SH3RF3: variants seen among roughly 807,000 people sequenced by gnomAD.
SH3RF3 encodes the protein E3 ubiquitin-protein ligase SH3RF3.
In SH3RF3, 29 loss-of-function variants were observed where a neutral mutation model predicts 66.3. The observed-to-expected ratio is 0.44, with a 90% confidence interval of 0.33 to 0.60. SH3RF3 has a LOEUF of 0.60. Ranked by LOEUF, SH3RF3 falls within the 20% of genes least tolerant of loss-of-function variation. SH3RF3 has a pLI of 0.04. For missense variants in SH3RF3, 1,194 were observed against 1,190.9 expected (o/e 1.00, Z -0.04); for synonymous variants, 583 against 532.0 (o/e 1.10, Z -1.32).
At chr2:109,501,280 G>A (rs573182469) in intron 9 of SH3RF3, among the ~76,000 whole-genome samples, 39 of 152,238 alleles carry the variant, frequency 2.6e-4, no homozygotes, top group African/African-American at 8.2e-4. Context: ...GTAGATCAGC[G>A]TCTAAAAGGA....
intron 1 of SH3RF3, among the ~76,000 whole-genome samples, chr2:109,249,536 C>T (rs56267231): frequency 0.21 from 14,619 of 71,272 alleles, 1,339 homozygotes; most frequent in Non-Finnish European, 0.25. Context: ...TCTTTCTTTC[C>T]TTCCTTCCTT....
chr2:109,309,694 G>A (rs1229144695), intron 1 of SH3RF3, among the ~76,000 whole-genome samples: 2 of 125,246 alleles, frequency 1.6e-5, no homozygotes, highest in Non-Finnish European at 3.2e-5. Flanking sequence ...AAGGCAGGGA[G>A]TCTCTGATAA....
intron 3 of SH3RF3, among the ~76,000 whole-genome samples, chr2:109,376,246 G>C (rs1683381091): frequency 6.6e-6 from 1 of 152,264 alleles, no homozygotes; most frequent in Non-Finnish European, 1.5e-5. Context: ...TTTCCTGCCT[G>C]GGTGAGGTTT....
At chr2:109,381,553 A>G (rs952939102) in intron 3 of SH3RF3, among the ~76,000 whole-genome samples, 6 of 152,094 alleles carry the variant, frequency 3.9e-5, no homozygotes, top group Admixed American at 3.9e-4. Context: ...CTCAGCTTCC[A>G]GTCCCCCGGG....
At chr2:109,174,224 A>G (rs908174315) in intron 1 of SH3RF3, among the ~76,000 whole-genome samples, 3 of 152,228 alleles carry the variant, frequency 2.0e-5, no homozygotes, top group African/African-American at 4.8e-5. Flanking sequence ...TTCGAAGAGT[A>G]AGGTGGACAT....
chr2:109,339,634 G>A (rs951477367), intron 1 of SH3RF3, among the ~76,000 whole-genome samples: 55 of 152,190 alleles, frequency 3.6e-4, no homozygotes, highest in Non-Finnish European at 6.6e-4. Flanking sequence ...TTTGTTCCCT[G>A]GGAGGGATCA....
Position 109,377,304 on chromosome 2 carries a change from G to A in SH3RF3, c.945+5623G>A, listed in dbSNP as rs551220471. Among the ~76,000 whole-genome samples the A allele has an allele frequency of 7.9e-5, 12 of 152,330 alleles. No individual in the cohort carries two copies. In the South Asian group the frequency reaches 2.5e-3, roughly 32 times the overall value. The stretch of plus-strand genomic sequence containing the variant: ...GTGTGGGGAGATGCTGGAGCACGTG[G>A]TGAGCAATGGGTCACAGATGAGAGG... On this transcript the variant is annotated intron_variant, in intron 3 of 9. Transcript: ENST00000309415.
At chr2:109,453,486 G>A (rs116310007) in intron 8 of SH3RF3, among the ~76,000 whole-genome samples, 120 of 152,324 alleles carry the variant, frequency 7.9e-4, no homozygotes, top group African/African-American at 2.8e-3. Context: ...CAGGTGATAC[G>A]AACCCTCAGG....
At chr2:109,332,462 C>G (rs1386413464) in intron 1 of SH3RF3, among the ~76,000 whole-genome samples, 2 of 152,212 alleles carry the variant, frequency 1.3e-5, no homozygotes, top group Non-Finnish European at 2.9e-5. Context: ...CTGAGTGCAG[C>G]AGAAGCAGCA....
chr2:109,221,403 CA>C (rs1432824253), intron 1 of SH3RF3, among the ~76,000 whole-genome samples: 2 of 152,028 alleles, frequency 1.3e-5, no homozygotes, highest in Non-Finnish European at 2.9e-5. Context: ...GCCAATATGG[CA>C]AAACCCTGTC....
At chr2:109,447,170 AAAAG>A (rs1677733062) in intron 7 of SH3RF3, among the ~76,000 whole-genome samples, 1 of 145,528 alleles carries the variant, frequency 6.9e-6, no homozygotes, top group African/African-American at 2.6e-5. Flanking sequence ...AAAAAAAAAG[AAAAG>A]AAAAAGAAAA....
In SH3RF3 at chr2:109,481,544, G is replaced by A. The variant is rs528901834; in HGVS notation, c.2149-9061G>A. On this transcript the variant is annotated intron_variant, in intron 8 of 9. Coordinates refer to ENST00000309415, the MANE Select transcript of SH3RF3 (RefSeq NM_001099289.3). ...GAAGTTTCCAGAAGGCTGTAGATGCGTAGCTGGCTGTCCAGTCCCATTGCA... is the reference window on the plus strand; with the variant it reads ...GAAGTTTCCAGAAGGCTGTAGATGCATAGCTGGCTGTCCAGTCCCATTGCA... Among the ~76,000 whole-genome samples, 11 of 151,834 alleles carry A rather than the reference G, an allele frequency of 7.2e-5. No individual in the cohort carries two copies. In the South Asian group the frequency reaches 1.9e-3, roughly 26 times the overall value.
intron 1 of SH3RF3, among the ~76,000 whole-genome samples, chr2:109,245,097 A>G (rs1353884191): frequency 6.6e-6 from 1 of 152,146 alleles, no homozygotes; most frequent in Non-Finnish European, 1.5e-5. Context: ...GAGTGTGCCC[A>G]GTTCTCAGCA....
chr2:109,302,943 C>G (rs1179579859), intron 1 of SH3RF3, among the ~76,000 whole-genome samples: 1 of 152,168 alleles, frequency 6.6e-6, no homozygotes, highest in Non-Finnish European at 1.5e-5. Flanking sequence ...GTGGCATGAT[C>G]TTAGCTCACT....
chr2:109,211,293 G>T (rs1030922900), intron 1 of SH3RF3, among the ~76,000 whole-genome samples: 2 of 152,202 alleles, frequency 1.3e-5, no homozygotes, highest in African/African-American at 4.8e-5. Flanking sequence ...GCAAGGCATT[G>T]GTTACAAGCC....
chr2:109,277,424 G>A (rs1295474522), intron 1 of SH3RF3, among the ~76,000 whole-genome samples: 4 of 152,158 alleles, frequency 2.6e-5, no homozygotes, highest in East Asian at 1.9e-4. Flanking sequence ...CAATTACTAC[G>A]ACTGTATAAT....
At chr2:109,172,994 C>G (rs77478697) in intron 1 of SH3RF3, among the ~76,000 whole-genome samples, 1 of 152,236 alleles carries the variant, frequency 6.6e-6, no homozygotes, top group Non-Finnish European at 1.5e-5. Flanking sequence ...CTTGTCTTCA[C>G]GCAGATGTCA....
chr2:109,330,533 A>C (rs12616600), intron 1 of SH3RF3, among the ~76,000 whole-genome samples: 1 of 152,194 alleles, frequency 6.6e-6, no homozygotes, highest in Non-Finnish European at 1.5e-5. Context: ...TTAGATGTCT[A>C]GTACCTCACA....
In SH3RF3 at chr2:109,253,234, G is replaced by C. The variant is rs187690662; in HGVS notation, c.574-94440G>C. 7.2e-5 allele frequency among the ~76,000 whole-genome samples: 11 copies of C among 152,226 alleles called. No homozygotes were observed. In the East Asian group the frequency reaches 2.1e-3, roughly 29 times the overall value. ...GTAGAGATGGGGTTTCACAAGGCTG[G>C]TCTTGAACTCCTGACCTGAAGTGAT... On this transcript the variant is annotated intron_variant, in intron 1 of 9. Coordinates refer to ENST00000309415, the MANE Select transcript of SH3RF3 (RefSeq NM_001099289.3).
Sources: gnomAD v4.1 joint callset for allele counts (sites outside exome capture counted in the v4.1 genomes callset) on GRCh38, gnomAD v4.1.1 for gene constraint, MANE v1.5 for transcripts, NCBI Gene and HGNC (gene_info 2026-07-23, HGNC 2026-07-21) for gene names.